ATF6: variants seen among roughly 807,000 people sequenced by gnomAD.
ATF6 encodes the protein activating transcription factor 6, also known as cyclic AMP-dependent transcription factor ATF-6 alpha.
Under a neutral mutation model 83.6 loss-of-function variants are expected in ATF6, and 53 were observed. The observed-to-expected ratio is 0.63, with a 90% confidence interval of 0.51 to 0.80. The LOEUF is 0.80. Ranked by LOEUF, ATF6 falls within the 30% of genes least tolerant of loss-of-function variation. The pLI, the probability that ATF6 is intolerant of heterozygous loss-of-function variation, is 0.00. For synonymous variants in ATF6, 288 were observed against 285.8 expected, an observed-to-expected ratio of 1.01 and a Z score of -0.08; for missense variants, 744 against 797.9, an observed-to-expected ratio of 0.93 and a Z score of 0.81.
At chr1:161,862,567 G>A (rs1686907304) in intron 13 of ATF6, among the ~76,000 whole-genome samples, 1 of 152,096 alleles carries the variant, frequency 6.6e-6, no homozygotes, top group African/African-American at 2.4e-5. Context: ...GTTGTTGAGT[G>A]ACTCCTATGG....
chr1:161,781,984 A>G lies in ATF6; in HGVS notation c.232A>G (p.Asn78Asp), dbSNP rs1684642179. ...GGAGTCAGACATTTGGGACATCAAC[A>G]ACCAAATCTGTACAGGTAATTATGT... is the stretch of plus-strand genomic sequence containing the variant. ...PWESDIWDIN[N>D]QICTVKDIKA... Residue 78 changes from asparagine to aspartate, a missense_variant, in exon 3 of 16, where the codon AAC becomes GAC. By Grantham distance (23) the Asn-to-Asp change is conservative. Transcript: ENST00000367942. 1 of 1,605,930 alleles carries G rather than the reference A, an allele frequency of 6.2e-7. No homozygotes were observed. Among genetic ancestry groups the G allele is most frequent in the African/African-American group, 1.3e-5 (1 of 74,788 alleles).
intron 14 of ATF6, among the ~76,000 whole-genome samples, chr1:161,905,777 C>G (rs543435086): frequency 6.6e-6 from 1 of 152,086 alleles, no homozygotes; most frequent in Non-Finnish European, 1.5e-5. Context: ...TTATAGCTAA[C>G]AAAGTTTTGA....
At chr1:161,839,885 G>A (rs1274056379) in intron 9 of ATF6, among the ~76,000 whole-genome samples, 1 of 152,204 alleles carries the variant, frequency 6.6e-6, no homozygotes, top group Non-Finnish European at 1.5e-5. Context: ...AGGAGATGAT[G>A]TCAGAGAGGT....
intron 9 of ATF6, among the ~76,000 whole-genome samples, chr1:161,837,131 A>C (rs1686240630): frequency 6.6e-6 from 1 of 152,162 alleles, no homozygotes; most frequent in South Asian, 2.1e-4. Flanking sequence ...AAAGGAAATA[A>C]ACATCTTAAT....
intron 6 of ATF6, among the ~76,000 whole-genome samples, chr1:161,801,404 G>A (rs1685145761): frequency 8.6e-6 from 1 of 115,932 alleles, no homozygotes; most frequent in Admixed American, 1.3e-4. Flanking sequence ...GGATCTGCCT[G>A]CCTCAGCCTC....
intron 15 of ATF6, among the ~76,000 whole-genome samples, chr1:161,920,294 C>CTCTTTTTTTTTTTTTTTTTTTTT (rs1157916734): frequency 1.6e-4 from 9 of 54,848 alleles, no homozygotes; most frequent in East Asian, 4.6e-4. Context: ...CTCTCTCTCT[C>CTCTTTTTTTTTTTTTTTTTTTTT]TTTTTTTTTT....
intron 15 of ATF6, among the ~76,000 whole-genome samples, chr1:161,956,850 GA>G (rs1688976361): frequency 6.6e-6 from 1 of 152,208 alleles, no homozygotes; most frequent in Non-Finnish European, 1.5e-5. Flanking sequence ...AGAATTGATA[GA>G]TTAGATCTGT....
chr1:161,776,578 G>C (rs945031665), intron 1 of ATF6, among the ~76,000 whole-genome samples: 4 of 150,326 alleles, frequency 2.7e-5, no homozygotes, highest in African/African-American at 9.8e-5. Flanking sequence ...ATTGATTATG[G>C]AGAGTGAGGA....
intron 1 of ATF6, among the ~76,000 whole-genome samples, chr1:161,768,106 C>T (rs1367001219): frequency 6.6e-6 from 1 of 152,182 alleles, no homozygotes; most frequent in Non-Finnish European, 1.5e-5. Flanking sequence ...CCGCCCACCT[C>T]GGCCTCCCAA....
intron 6 of ATF6, among the ~76,000 whole-genome samples, chr1:161,800,890 T>C (rs1685128542): frequency 1.3e-5 from 2 of 152,222 alleles, no homozygotes; most frequent in Admixed American, 1.3e-4. Flanking sequence ...TAAACTGACA[T>C]GATTTCTTTT....
At chr1:161,934,396 GGAGT>G (rs1688498738) in intron 15 of ATF6, among the ~76,000 whole-genome samples, 1 of 152,208 alleles carries the variant, frequency 6.6e-6, no homozygotes, top group African/African-American at 2.4e-5. Flanking sequence ...GCAAGAGGAA[GGAGT>G]GAGTGCTTCA....
intron 9 of ATF6, among the ~76,000 whole-genome samples, chr1:161,833,364 G>GAACGC (rs1686121739): frequency 6.6e-6 from 1 of 152,152 alleles, no homozygotes; most frequent in Non-Finnish European, 1.5e-5. Context: ...TCCTCCAAAG[G>GAACGC]AACGCAGCTC....
intron 9 of ATF6, among the ~76,000 whole-genome samples, chr1:161,822,351 A>G (rs996698695): frequency 8.5e-5 from 13 of 152,154 alleles, no homozygotes; most frequent in Admixed American, 5.9e-4. Flanking sequence ...GCCAAAGTAA[A>G]AAGAGCTTCA....
In ATF6 at chr1:161,879,171, T is replaced by A. The variant is rs1049459889; in HGVS notation, c.1719+15859T>A. 4.6e-5 allele frequency among the ~76,000 whole-genome samples: 7 copies of A among 152,108 alleles called. No homozygotes were observed. The East Asian group carries it at 1.3e-3, about 29-fold the overall frequency. On this transcript the variant is annotated intron_variant, in intron 14 of 15. Coordinates refer to ENST00000367942, the MANE Select transcript of ATF6 (RefSeq NM_007348.4). ...TCCAGGAAGATAAAGAGAAGACACT[T>A]CTAACAGTTTCTGTTTTCCCAGTGA...
At chr1:161,816,267 A>G (rs1414294020) in intron 7 of ATF6, among the ~76,000 whole-genome samples, 3 of 152,244 alleles carry the variant, frequency 2.0e-5, no homozygotes, top group African/African-American at 7.2e-5. Context: ...TTCAGTCTGT[A>G]TGAAATCATC....
In ATF6 at chr1:161,958,503, T is replaced by C; in HGVS notation, c.1862T>C (p.Met621Thr). 1.2e-6 allele frequency: 2 copies of C among 1,613,672 alleles called. No individual in the cohort carries two copies. The highest frequency in any genetic ancestry group is 1.7e-6 in the Non-Finnish European group (2 of 1,179,702). Residue 621 changes from methionine to threonine, a missense_variant, in exon 16 of 16, where the codon ATG (methionine) becomes ACG (threonine). Transcript: ENST00000367942. ...EVMMQIDCQV[M>T]DTRILHIKSS... ...ATGATGCAGATTGACTGTCAGGTGA[T>C]GGACACCAGGATCCTCCATATCAAA...
chr1:161,795,132 C>T (rs918594522), intron 6 of ATF6, among the ~76,000 whole-genome samples: 7 of 151,492 alleles, frequency 4.6e-5, no homozygotes, highest in African/African-American at 1.2e-4. Context: ...TATACTGTAT[C>T]GCCTTAAAAA....
At chr1:161,906,437 A>G (rs1291695551) in intron 14 of ATF6, among the ~76,000 whole-genome samples, 2 of 152,228 alleles carry the variant, frequency 1.3e-5, no homozygotes, top group Non-Finnish European at 2.9e-5. Context: ...AATTACTGAT[A>G]TTTGACTCAC....
At chr1:161,848,405 C>G (rs1198497652) in intron 10 of ATF6, among the ~76,000 whole-genome samples, 2 of 151,638 alleles carry the variant, frequency 1.3e-5, no homozygotes, top group Non-Finnish European at 2.9e-5. Context: ...CTTTATGTTT[C>G]TTTTTCTAAG....
Sources: gnomAD v4.1 joint callset for allele counts (sites outside exome capture counted in the v4.1 genomes callset) on GRCh38, gnomAD v4.1.1 for gene constraint, MANE v1.5 for transcripts, NCBI Gene and HGNC (gene_info 2026-07-23, HGNC 2026-07-21) for gene names.